KCNIP1: variants seen among roughly 807,000 people sequenced by gnomAD.
KCNIP1 encodes the protein A-type potassium channel modulatory protein KCNIP1.
A neutral mutation model predicts 33.0 loss-of-function variants in KCNIP1; 18 were observed. That is an observed-to-expected ratio of 0.55 (90% CI 0.38 to 0.81). KCNIP1 has a LOEUF of 0.81. Among genes scored for constraint, KCNIP1 ranks in the 30% least tolerant of loss-of-function variants. KCNIP1 has a pLI of 0.00. For synonymous variants in KCNIP1, 93 were observed against 98.3 expected (o/e 0.95, Z 0.32); for missense variants, 238 against 271.6 (o/e 0.88, Z 0.87).
upstream of KCNIP1, among the ~76,000 whole-genome samples, chr5:170,503,090 C>G (rs947853305): frequency 6.6e-6 from 1 of 151,988 alleles, no homozygotes; most frequent in Non-Finnish European, 1.5e-5. Context: ...AGGAAAGAAA[C>G]AGAAAAATGA....
chr5:170,398,945 G>A (rs1754828060), intron 1 of KCNIP1, among the ~76,000 whole-genome samples: 1 of 152,196 alleles, frequency 6.6e-6, no homozygotes. Flanking sequence ...TCTCACGCAG[G>A]AAATAATTCA....
At chr5:170,549,480 A>G (rs1487052709) in intron 1 of KCNIP1, among the ~76,000 whole-genome samples, 1 of 152,224 alleles carries the variant, frequency 6.6e-6, no homozygotes, top group East Asian at 1.9e-4. Context: ...AGGAACTGGC[A>G]TTTATGCAAC....
In KCNIP1 at chr5:170,701,034, A is replaced by G. The variant is rs115596968; in HGVS notation, c.62-17724A>G. On this transcript the variant is annotated intron_variant, in intron 1 of 7. Transcript: ENST00000328939. Reference sequence around the variant, plus strand: ...GCACAGCACAACCATTATCCCACTCAAAATGTCATGTTTTTACCCAAAACA... The same window carrying G: ...GCACAGCACAACCATTATCCCACTCGAAATGTCATGTTTTTACCCAAAACA... Among the ~76,000 whole-genome samples, 1,053 of 152,304 alleles carry G rather than the reference A, an allele frequency of 6.9e-3. 11 individuals are homozygous for G. Among genetic ancestry groups the G allele is most frequent in the African/African-American group, 0.024 (991 of 41,562 alleles).
At chr5:170,533,401 T>A (rs1459083887) in intron 1 of KCNIP1, among the ~76,000 whole-genome samples, 2 of 152,206 alleles carry the variant, frequency 1.3e-5, no homozygotes, top group Non-Finnish European at 2.9e-5. Flanking sequence ...GGTACTGTTT[T>A]TATCCTGATC....
At chr5:170,691,551 G>T (rs1404812171) in intron 1 of KCNIP1, among the ~76,000 whole-genome samples, 1 of 152,184 alleles carries the variant, frequency 6.6e-6, no homozygotes, top group Non-Finnish European at 1.5e-5. Context: ...GGTAGGATTA[G>T]TTGAAATAAA....
chr5:170,367,447 G>GAAAGAAAGAAAGAAAGAAAGAAAGAAA (rs1554086789), intron 1 of KCNIP1, among the ~76,000 whole-genome samples: 1 of 142,874 alleles, frequency 7.0e-6, no homozygotes, highest in African/African-American at 2.7e-5. Context: ...AGGAAAGAAA[G>GAAAGAAAGAAAGAAAGAAAGAAAGAAA]GAAAGAAAGA....
chr5:170,620,021 A>G (rs1204949204), intron 1 of KCNIP1, among the ~76,000 whole-genome samples: 1 of 152,192 alleles, frequency 6.6e-6, no homozygotes, highest in East Asian at 1.9e-4. Flanking sequence ...ACCACTTACT[A>G]ACTTCAAGAG....
At chr5:170,371,325 C>T (rs966603395) in intron 1 of KCNIP1, among the ~76,000 whole-genome samples, 1 of 152,178 alleles carries the variant, frequency 6.6e-6, no homozygotes, top group Non-Finnish European at 1.5e-5. Context: ...ATCACCCCCA[C>T]ATCTATTGAG....
At chr5:170,722,570 A>G (rs1159116057) in intron 4 of KCNIP1, 143 bp from the exon 5 acceptor site, 23 of 678,434 alleles carry the variant, frequency 3.4e-5, no homozygotes, top group Admixed American at 1.6e-4. Flanking sequence ...AGCTCTTCAC[A>G]GAGCATAGCC....
At chr5:170,505,845 G>A (rs146317785) in intron 1 of KCNIP1, among the ~76,000 whole-genome samples, 1 of 152,070 alleles carries the variant, frequency 6.6e-6, no homozygotes, top group Non-Finnish European at 1.5e-5. Context: ...AGCTGGGTTG[G>A]CATTTACATC....
intron 1 of KCNIP1, among the ~76,000 whole-genome samples, chr5:170,696,016 C>CAAAAAAAAAAAAAAAAAAA (rs34474795): frequency 4.3e-5 from 4 of 93,958 alleles, no homozygotes; most frequent in South Asian, 3.8e-4. Context: ...GACTCTGTCT[C>CAAAAAAAAAAAAAAAAAAA]AAAAAAAAAA....
At chr5:170,734,576 C>A (rs981674198) in intron 7 of KCNIP1, among the ~76,000 whole-genome samples, 37 of 152,172 alleles carry the variant, frequency 2.4e-4, no homozygotes, top group Admixed American at 1.4e-3. Flanking sequence ...AGACCAGCCC[C>A]AGAGTCCACC....
At chr5:170,358,895 C>T (rs569716843) in intron 1 of KCNIP1, among the ~76,000 whole-genome samples, 1 of 152,172 alleles carries the variant, frequency 6.6e-6, no homozygotes, top group African/African-American at 2.4e-5. Context: ...CCTCTGCACT[C>T]CTAGGGCTGG....
At chr5:170,686,535 G>T (rs896967393) in intron 1 of KCNIP1, among the ~76,000 whole-genome samples, 3 of 152,052 alleles carry the variant, frequency 2.0e-5, no homozygotes, top group African/African-American at 7.2e-5. Flanking sequence ...TTTTTGTCCC[G>T]CATTCTCCAG....
chr5:170,551,689 A>T (rs911713632), intron 1 of KCNIP1, among the ~76,000 whole-genome samples: 13 of 149,606 alleles, frequency 8.7e-5, no homozygotes, highest in African/African-American at 3.2e-4. Flanking sequence ...TGTGGATGAG[A>T]GTGTGTATGT....
At chr5:170,709,065 G>A (rs889266980) in intron 1 of KCNIP1, among the ~76,000 whole-genome samples, 1 of 152,138 alleles carries the variant, frequency 6.6e-6, no homozygotes, top group African/African-American at 2.4e-5. Flanking sequence ...TATGGCCCAG[G>A]AAATGGTCAC....
In KCNIP1 at chr5:170,736,255, T is replaced by C. The variant is rs1764384753; in HGVS notation, c.*449T>C. Reference sequence around the variant, plus strand: ...TCCCAAACCAATGTGCCTGTTTCTCTTCCTTTGGTGGGAAGAATGAGAGTT... The same window carrying C: ...TCCCAAACCAATGTGCCTGTTTCTCCTCCTTTGGTGGGAAGAATGAGAGTT... On this transcript the variant is annotated 3_prime_UTR_variant, in exon 8 of 8. Transcript: ENST00000328939. 5.9e-6 allele frequency: 1 copy of C among 168,250 alleles called. No homozygotes were observed. Among genetic ancestry groups the C allele is most frequent in the African/African-American group, 2.4e-5 (1 of 42,138 alleles). 10.4% of individuals were successfully genotyped at this position (168,250 alleles called of 1,614,324 possible).
chr5:170,458,348 C>T (rs1365147398), intron 1 of KCNIP1, among the ~76,000 whole-genome samples: 1 of 152,180 alleles, frequency 6.6e-6, no homozygotes, highest in Non-Finnish European at 1.5e-5. Flanking sequence ...GCTCAAAGAA[C>T]ACCTGGGAAA....
At chr5:170,369,289 A>G (rs2113304025) in intron 1 of KCNIP1, among the ~76,000 whole-genome samples, 2 of 152,352 alleles carry the variant, frequency 1.3e-5, no homozygotes, top group East Asian at 3.9e-4. Context: ...ACAGTTGCCC[A>G]GAGAATGGAA....
Sources: gnomAD v4.1 joint callset for allele counts (sites outside exome capture counted in the v4.1 genomes callset) on GRCh38, gnomAD v4.1.1 for gene constraint, MANE v1.5 for transcripts, NCBI Gene and HGNC (gene_info 2026-07-23, HGNC 2026-07-21) for gene names.